Variants in SELENOM observed in about 807,000 individuals in gnomAD.
SELENOM encodes selenoprotein M, also known as selenoprotein SelM.
SELENOM carries 17 observed loss-of-function variants against 14.5 expected under a neutral mutation model. The ratio of observed to expected loss-of-function variants is 1.17; its 90% CI spans 0.80 to 1.76. The LOEUF is 1.76. Ranked by LOEUF, SELENOM falls within the 40% of genes most tolerant of loss-of-function variation. SELENOM has a pLI of 0.00. For synonymous variants in SELENOM, 102 were observed against 93.3 expected, an observed-to-expected ratio of 1.09 and a Z score of -0.54; for missense variants, 230 against 204.6, an observed-to-expected ratio of 1.12 and a Z score of -0.76.
rs767290809 is a variant in SELENOM at position 31,105,939 on chromosome 22, G to A, written c.156C>T (p.Arg52=). The A allele has an allele frequency of 6.2e-7, 1 of 1,614,086 alleles. No individual in the cohort carries two copies. The highest frequency in any genetic ancestry group is 1.1e-5 in the South Asian group (1 of 91,084). Reference sequence around the variant, plus strand: ...CTTCCTTCAAACTCACCTCCTTTAGGCGGTTCAGCTGTCATCCCCCGCAGG... The same window carrying A: ...CTTCCTTCAAACTCACCTCCTTTAGACGGTTCAGCTGTCATCCCCCGCAGG... ...VETCGGUQLN[R]LKEVKAFVTQ... Residue 52 remains arginine (R), a synonymous_variant, in exon 2 of 5, where the codon CGC becomes CGT. Transcript: ENST00000400299.
At chr22:31,106,266 AG>A in intron 1 of SELENOM, 2 of 491,306 alleles carry the variant, frequency 4.1e-6, no homozygotes, top group Non-Finnish European at 7.4e-6. Flanking sequence ...CCCAATGCCC[AG>A]GGGAAATGAT....
At position 31,105,062 on chromosome 22, in the gene SELENOM, G is replaced by C. The variant is rs568177232; in HGVS notation, c.346C>G (p.Arg116Gly). 6.2e-7 allele frequency: 1 copy of C among 1,612,408 alleles called. No homozygotes were observed. ...ACCTGCGCGTCGGGCGCCGCCTTGC[G>C]GTAGAAGCCGAGCTCCTGCACTAGC... is the stretch of plus-strand genomic sequence containing the variant. ...NALVQELGFY[R>G]KAAPDAQVPP... Residue 116 changes from arginine (R) to glycine (G), a missense_variant, in exon 5 of 5, where the codon CGC becomes GGC. Coordinates refer to ENST00000400299, the MANE Select transcript of SELENOM (RefSeq NM_080430.4).
chr22:31,105,233 A>G lies in SELENOM; in HGVS notation c.254T>C (p.Leu85Pro). 1 of 1,613,136 alleles carries G rather than the reference A, an allele frequency of 6.2e-7. No individual in the cohort carries two copies. The highest frequency in any genetic ancestry group is 1.1e-5 in the South Asian group (1 of 91,020). Residue 85 changes from leucine to proline, a missense_variant, in exon 4 of 5, where the codon CTG becomes CCG. Transcript: ENST00000400299. ...CTCTAGTTCCTCGTAGCGGCGGCCC[A>G]GCAGCACGAGCTCAGGGTCGGCCCC... ...LPGADPELVL[L>P]GRRYEELERI... is the part of the protein sequence containing the mutation.
At position 31,106,614 on chromosome 22, in the gene SELENOM, A is replaced by G. The variant is rs537752986; in HGVS notation, c.130-649T>C. On this transcript the variant is annotated intron_variant, in intron 1 of 4. Transcript: ENST00000400299. ...CCTACCCTCAGCCCTTTTCTTAGAGACAGGGTCTCACTATGTCCCCCAAGC... is the reference window on the plus strand; with the variant it reads ...CCTACCCTCAGCCCTTTTCTTAGAGGCAGGGTCTCACTATGTCCCCCAAGC... The G allele has an allele frequency of 8.9e-4, 144 of 162,290 alleles. 2 individuals are homozygous for G. The South Asian group carries it at 0.024, about 27-fold the overall frequency. 10.1% of individuals were successfully genotyped at this position (162,290 alleles called of 1,614,324 possible).
Position 31,107,400 on chromosome 22 carries a change from C to G in SELENOM, c.106G>C (p.Gly36Arg). 6.3e-7 allele frequency: 1 copy of G among 1,593,064 alleles called. No homozygotes were observed. The highest frequency in any genetic ancestry group is 8.5e-7 in the Non-Finnish European group (1 of 1,171,948). The change falls in exon 1 of 5, where the codon GGC becomes CGC. Residue 36 changes from glycine to arginine, a missense_variant. Physicochemically the swap from Gly to Arg is moderately radical, Grantham distance 125. Transcript: ENST00000400299. ...AYRPDWNRLS[G>R]LTRARVETCG... The stretch of plus-strand genomic sequence containing the variant: ...ACCTCTACCCGGGCGCGGGTTAGGC[C>G]GCTCAGACGGTTCCAGTCCGGCCGG...
In SELENOM at chr22:31,107,552, G is replaced by A; in HGVS notation, c.-47C>T. On this transcript the variant is annotated 5_prime_UTR_variant, in exon 1 of 5. Transcript: ENST00000400299. ...GCGCAAGCTGGAGGCGAACCTCCGA[G>A]TCGCTGCGCCACGTCTGGGCCCCCA... 1.3e-6 allele frequency: 2 copies of A among 1,483,510 alleles called. No individual in the cohort carries two copies. Among genetic ancestry groups the A allele is most frequent in the Non-Finnish European group, 1.8e-6 (2 of 1,117,980 alleles). The allele number at this position is 1,483,510 out of a possible 1,614,324, so 91.9% of individuals were successfully genotyped here. A position where few individuals can be genotyped will look rare whatever the true frequency, so the allele number is the denominator to read the frequency against.
rs1297864300 is a variant in SELENOM at position 31,105,066 on chromosome 22, G to A, written c.342C>T (p.Phe114=). 4 of 1,612,616 alleles carry A rather than the reference G, an allele frequency of 2.5e-6. No individual in the cohort carries two copies. The highest frequency in any genetic ancestry group is 3.4e-6 in the Non-Finnish European group (4 of 1,179,738). ...GCGCGTCGGGCGCCGCCTTGCGGTA[G>A]AAGCCGAGCTCCTGCACTAGCGCAT... The part of the protein sequence containing the change: ...EINALVQELG[F]YRKAAPDAQV... The change falls in exon 5 of 5, where the codon TTC becomes TTT. Residue 114 remains phenylalanine, a synonymous_variant. Coordinates refer to ENST00000400299, the MANE Select transcript of SELENOM (RefSeq NM_080430.4).
rs756270478 is a variant in SELENOM at position 31,107,432 on chromosome 22, G to A, written c.74C>T (p.Thr25Ile). The A allele has an allele frequency of 3.2e-6, 5 of 1,577,104 alleles. No homozygotes were observed. Among genetic ancestry groups the A allele is most frequent in the South Asian group, 2.3e-5 (2 of 86,490 alleles). Residue 25 changes from threonine to isoleucine, a missense_variant, in exon 1 of 5, where the codon ACT (threonine) becomes ATT (isoleucine). Thr to Ile is a moderately conservative substitution (Grantham distance 89). Transcript: ENST00000400299. ...AALVAPATAA[T>I]AYRPDWNRLS... ...ACGGTTCCAGTCCGGCCGGTAGGCA[G>A]TGGCGGCTGTGGCTGGGGCCACAAG...
intron 2 of SELENOM, 47 bp from the exon 3 acceptor site, chr22:31,105,739 A>T: frequency 6.2e-7 from 1 of 1,607,664 alleles, no homozygotes; most frequent in South Asian, 1.1e-5. Context: ...AGTCTACTCG[A>T]GGTACAGACG....
rs775061144 is a variant in SELENOM at position 31,105,141 on chromosome 22, AGG to A, written c.280-15_280-14del. The A allele has an allele frequency of 6.2e-7, 1 of 1,613,364 alleles. No homozygotes were observed. The highest frequency in any genetic ancestry group is 1.1e-5 in the South Asian group (1 of 91,080). On this transcript the variant is annotated splice_polypyrimidine_tract_variant and intron_variant, in intron 4 of 4. Coordinates refer to ENST00000400299, the MANE Select transcript of SELENOM (RefSeq NM_080430.4). The stretch of plus-strand genomic sequence containing the variant: ...TGAGTGGGATGCGCTGAGGCGGAGG[AGG>A]GGCGGGGTCAGCAGGCTGGGCCTCG...
rs2044403314 is a variant in SELENOM at position 31,106,163 on chromosome 22, C to T, written c.130-198G>A. ...GTGTATACAGGTGGGGAGACTCAGG[C>T]CTAGAGACACCAGGGGAAAAGAGCA... On this transcript the variant is annotated intron_variant, in intron 1 of 4. Transcript: ENST00000400299. The T allele has an allele frequency of 3.3e-5, 20 of 613,570 alleles. No homozygotes were observed. The South Asian group carries it at 3.6e-4, about 11-fold the overall frequency. The allele number at this position is 613,570 out of a possible 1,614,324, so 38.0% of individuals were successfully genotyped here. A position where few individuals can be genotyped will look rare whatever the true frequency, so the allele number is the denominator to read the frequency against.
chr22:31,107,539 G>A lies in SELENOM; in HGVS notation c.-34C>T. 6.6e-7 allele frequency: 1 copy of A among 1,508,550 alleles called. No individual in the cohort carries two copies. Among genetic ancestry groups the A allele is most frequent in the Non-Finnish European group, 8.9e-7 (1 of 1,129,548 alleles). 93.4% of individuals were successfully genotyped at this position (1,508,550 alleles called of 1,614,324 possible). ...GGCCGCAGATGATGCGCAAGCTGGA[G>A]GCGAACCTCCGAGTCGCTGCGCCAC... is the stretch of plus-strand genomic sequence containing the variant. On this transcript the variant is annotated 5_prime_UTR_variant, in exon 1 of 5. Coordinates refer to ENST00000400299, the MANE Select transcript of SELENOM (RefSeq NM_080430.4).
chr22:31,105,206 A>G lies in SELENOM; in HGVS notation c.279+2T>C. 6.2e-7 allele frequency: 1 copy of G among 1,613,198 alleles called. No individual in the cohort carries two copies. Among genetic ancestry groups the G allele is most frequent in the East Asian group, 2.2e-5 (1 of 44,836 alleles). On this transcript the variant is annotated splice_donor_variant, in intron 4 of 4. Coordinates refer to ENST00000400299, the MANE Select transcript of SELENOM (RefSeq NM_080430.4). LOFTEE classifies it high-confidence loss of function. ...CCCCCAGCCCACCTCCCACGGCCTCACCTCTAGTTCCTCGTAGCGGCGGCC... is the reference window on the plus strand; with the variant it reads ...CCCCCAGCCCACCTCCCACGGCCTCGCCTCTAGTTCCTCGTAGCGGCGGCC...
rs1602699722 is a variant in SELENOM, at chr22:31,104,833, A to G, written c.*137T>C. The G allele has an allele frequency of 1.1e-6, 1 of 894,226 alleles. No homozygotes were observed. Among genetic ancestry groups the G allele is most frequent in the Non-Finnish European group, 1.6e-6 (1 of 630,888 alleles). The allele number at this position is 894,226 out of a possible 1,614,324, so 55.4% of individuals were successfully genotyped here. ...GAAGGAAGAAAGTGGGGTTGGGAGA[A>G]CCTCCCCAACCCCATCCCTGCTGGC... On this transcript the variant is annotated 3_prime_UTR_variant, in exon 5 of 5. Coordinates refer to ENST00000400299, the MANE Select transcript of SELENOM (RefSeq NM_080430.4).
At position 31,105,126 on chromosome 22, in the gene SELENOM, G is replaced by T. The variant is rs747372613; in HGVS notation, c.282C>A (p.Arg94=). The T allele has an allele frequency of 1.3e-5, 21 of 1,613,424 alleles. No homozygotes were observed. Among genetic ancestry groups the T allele is most frequent in the East Asian group, 2.2e-5 (1 of 44,888 alleles). ...LLGRRYEELE[R]IPLSEMTREE... is the part of the protein sequence containing the mutation. ...CGCGGGTCATTTCACTGAGTGGGATGCGCTGAGGCGGAGGAGGGGCGGGGT... is the reference window on the plus strand; with the variant it reads ...CGCGGGTCATTTCACTGAGTGGGATTCGCTGAGGCGGAGGAGGGGCGGGGT... Residue 94 remains arginine (R), a splice_region_variant and synonymous_variant, in exon 5 of 5, where the codon CGC becomes CGA. Coordinates refer to ENST00000400299, the MANE Select transcript of SELENOM (RefSeq NM_080430.4).
At chr22:31,105,602 G>A (rs568098713) in intron 3 of SELENOM, 56 bp downstream of exon 3, 104 of 1,552,494 alleles carry the variant, frequency 6.7e-5, no homozygotes, top group Non-Finnish European at 8.6e-5. Context: ...CTGAAGTTAC[G>A]TGGAGATTCT....
At chr22:31,107,243 G>T in intron 1 of SELENOM, 134 bp downstream of exon 1, 2 of 1,161,690 alleles carry the variant, frequency 1.7e-6, no homozygotes, top group Non-Finnish European at 2.4e-6. Context: ...GAACAGGAGG[G>T]ATGGTCCCGG....
In SELENOM at chr22:31,105,086, G is replaced by C; in HGVS notation, c.322C>G (p.Leu108Val). 6.2e-7 allele frequency: 1 copy of C among 1,613,266 alleles called. No individual in the cohort carries two copies. Among genetic ancestry groups the C allele is most frequent in the African/African-American group, 1.3e-5 (1 of 75,058 alleles). Residue 108 changes from leucine (L) to valine (V), a missense_variant, in exon 5 of 5, where the codon CTA becomes GTA. Physicochemically the swap from Leu to Val is conservative, Grantham distance 32. Coordinates refer to ENST00000400299, the MANE Select transcript of SELENOM (RefSeq NM_080430.4). ...SEMTREEINA[L>V]VQELGFYRKA... ...CGGTAGAAGCCGAGCTCCTGCACTA[G>C]CGCATTGATCTCTTCGCGGGTCATT... is the stretch of plus-strand genomic sequence containing the variant.
In SELENOM at chr22:31,107,541, C is replaced by T. The variant is rs1416861345; in HGVS notation, c.-36G>A. 2 of 1,500,468 alleles carry T rather than the reference C, an allele frequency of 1.3e-6. No individual in the cohort carries two copies. Among genetic ancestry groups the T allele is most frequent in the East Asian group, 2.7e-5 (1 of 37,732 alleles). The allele number at this position is 1,500,468 out of a possible 1,614,324, so 92.9% of individuals were successfully genotyped here. A position where few individuals can be genotyped will look rare whatever the true frequency, so the allele number is the denominator to read the frequency against. ...CCGCAGATGATGCGCAAGCTGGAGG[C>T]GAACCTCCGAGTCGCTGCGCCACGT... On this transcript the variant is annotated 5_prime_UTR_variant, in exon 1 of 5. Coordinates refer to ENST00000400299, the MANE Select transcript of SELENOM (RefSeq NM_080430.4).
Sources: allele counts gnomAD v4.1 joint callset, GRCh38; gene constraint gnomAD v4.1.1; transcripts MANE v1.5; gene names NCBI Gene and HGNC (gene_info 2026-07-23, HGNC 2026-07-21).